Variants in SLCO2A1 observed in about 807,000 individuals in gnomAD.
SLCO2A1 encodes matrin F/G 1.
In SLCO2A1, 60 loss-of-function variants were observed where a neutral mutation model predicts 71.7. That is an observed-to-expected ratio of 0.84 (90% CI 0.68 to 1.04). The LOEUF (loss-of-function observed/expected upper bound fraction) is 1.04. Ranked by LOEUF, SLCO2A1 falls within the 50% of genes least tolerant of loss-of-function variation. The pLI, the probability that SLCO2A1 is intolerant of heterozygous loss-of-function variation, is 0.00. For synonymous variants in SLCO2A1, 308 were observed against 326.7 expected (o/e 0.94, Z 0.62); for missense variants, 745 against 813.4 (o/e 0.92, Z 1.02).
chr3:133,937,141 T>C (rs1933289117), intron 12 of SLCO2A1, among the ~76,000 whole-genome samples: 1 of 152,088 alleles, frequency 6.6e-6, no homozygotes, highest in South Asian at 2.1e-4. Context: ...ATTTTCAAGG[T>C]TGCTGGAGGA....
chr3:133,999,417 T>C (rs1377714689), intron 1 of SLCO2A1, among the ~76,000 whole-genome samples: 1 of 152,220 alleles, frequency 6.6e-6, no homozygotes, highest in Non-Finnish European at 1.5e-5. Flanking sequence ...TGAAATTATA[T>C]GGTAAGCAAG....
At chr3:133,987,134 C>CA (rs1934732237) in intron 1 of SLCO2A1, among the ~76,000 whole-genome samples, 2 of 115,848 alleles carry the variant, frequency 1.7e-5, no homozygotes, top group Admixed American at 8.2e-5. Flanking sequence ...ATTCAAAGCC[C>CA]CCCCCCCCGC....
At chr3:133,984,581 T>G (rs1325967005) in intron 1 of SLCO2A1, among the ~76,000 whole-genome samples, 1 of 152,190 alleles carries the variant, frequency 6.6e-6, no homozygotes, top group Non-Finnish European at 1.5e-5. Context: ...GATGGGACCA[T>G]GACCTCGGCT....
intron 1 of SLCO2A1, among the ~76,000 whole-genome samples, chr3:134,008,412 C>T (rs565375097): frequency 1.4e-3 from 213 of 152,294 alleles, no homozygotes; most frequent in African/African-American, 4.5e-3. Context: ...TCCATCCCAA[C>T]ACCAGTCTTG....
chr3:134,029,044 G>A (rs1337682614), intron 1 of SLCO2A1, among the ~76,000 whole-genome samples: 1 of 152,214 alleles, frequency 6.6e-6, no homozygotes, highest in Non-Finnish European at 1.5e-5. Flanking sequence ...CCTTCCTGGG[G>A]CCATTTCCAG....
At chr3:133,953,585 T>C in intron 5 of SLCO2A1, 78 bp downstream of exon 5, 1 of 1,130,952 alleles carries the variant, frequency 8.8e-7, no homozygotes, top group Non-Finnish European at 1.3e-6. Context: ...CTTCATTCTC[T>C]GTTCTGATTG....
chr3:133,956,512 G>A (rs1268106017), intron 3 of SLCO2A1, among the ~76,000 whole-genome samples: 8 of 152,242 alleles, frequency 5.3e-5, no homozygotes, highest in Non-Finnish European at 1.0e-4. Context: ...AAGCCAAGGC[G>A]TCTGTTTGGT....
rs563392283 is a variant in SLCO2A1, at chr3:134,006,782, A to G, written c.96+22925T>C. On this transcript the variant is annotated intron_variant, in intron 1 of 13. Coordinates refer to ENST00000310926, the MANE Select transcript of SLCO2A1 (RefSeq NM_005630.3). ...TATCGTGAATGGTGCTGCTAGAAACATAACTGCACAAATATCTCTTTGAGA... is the reference window on the plus strand; with the variant it reads ...TATCGTGAATGGTGCTGCTAGAAACGTAACTGCACAAATATCTCTTTGAGA... Among the ~76,000 whole-genome samples, 4 of 152,366 alleles carry G rather than the reference A, an allele frequency of 2.6e-5. No homozygotes were observed. In the South Asian group the frequency reaches 8.3e-4, roughly 32 times the overall value.
chr3:133,989,288 C>T (rs1346031876), intron 1 of SLCO2A1, among the ~76,000 whole-genome samples: 2 of 152,226 alleles, frequency 1.3e-5, no homozygotes, highest in Non-Finnish European at 2.9e-5. Context: ...TAATAAATTC[C>T]TGTTTTCACT....
chr3:134,026,424 T>G (rs1935702426), intron 1 of SLCO2A1, among the ~76,000 whole-genome samples: 1 of 151,766 alleles, frequency 6.6e-6, no homozygotes, highest in South Asian at 2.1e-4. Context: ...TTGGCACTAT[T>G]AAACCATCTT....
rs537797106 is a variant in SLCO2A1, at chr3:133,968,334, A to T, written c.397+5329T>A. 1.3e-4 allele frequency among the ~76,000 whole-genome samples: 20 copies of T among 151,902 alleles called. No homozygotes were observed. The East Asian group carries it at 3.7e-3, about 28-fold the overall frequency. Reference sequence around the variant, plus strand: ...TGCCCAAACCACGGGTGCCCCTCTCATTCCTCCAGGGCTTCCTAGCACACC... The same window carrying T: ...TGCCCAAACCACGGGTGCCCCTCTCTTTCCTCCAGGGCTTCCTAGCACACC... On this transcript the variant is annotated intron_variant, in intron 3 of 13. Transcript: ENST00000310926.
chr3:134,026,025 A>G (rs891401669), intron 1 of SLCO2A1, among the ~76,000 whole-genome samples: 2 of 152,162 alleles, frequency 1.3e-5, no homozygotes, highest in Non-Finnish European at 2.9e-5. Flanking sequence ...ATAAGAGATC[A>G]ATGACCATGG....
intron 1 of SLCO2A1, among the ~76,000 whole-genome samples, chr3:134,001,578 C>T (rs1935104342): frequency 6.6e-6 from 1 of 152,134 alleles, no homozygotes. Context: ...TTGCCTTCCC[C>T]CTCTCTCTAC....
chr3:133,935,735 G>A, intron 13 of SLCO2A1, 39 bp downstream of exon 13: 2 of 1,529,630 alleles, frequency 1.3e-6, no homozygotes, highest in Non-Finnish European at 1.8e-6. Flanking sequence ...TCAAGCCCAG[G>A]GCCTGGCTCT....
At chr3:134,018,533 C>T (rs1559960198) in intron 1 of SLCO2A1, among the ~76,000 whole-genome samples, 2 of 152,150 alleles carry the variant, frequency 1.3e-5, no homozygotes, top group Non-Finnish European at 2.9e-5. Context: ...TCCCTTCTTC[C>T]CACTATTCTC....
At chr3:133,955,410 G>A (rs1933875126) in intron 3 of SLCO2A1, 1 of 564,018 alleles carries the variant, frequency 1.8e-6, no homozygotes, top group Admixed American at 3.2e-5. Flanking sequence ...GGTGGAATGT[G>A]GGCTCCCCGG....
At chr3:133,940,164 C>T (rs1161898677) in intron 11 of SLCO2A1, among the ~76,000 whole-genome samples, 3 of 152,090 alleles carry the variant, frequency 2.0e-5, no homozygotes, top group East Asian at 1.9e-4. Context: ...GACAAGGTTT[C>T]GCCATGTTGG....
intron 1 of SLCO2A1, among the ~76,000 whole-genome samples, chr3:133,990,880 C>T (rs932184056): frequency 4.4e-4 from 67 of 152,134 alleles, no homozygotes; most frequent in African/African-American, 7.2e-4. Flanking sequence ...GAGGCTGAAG[C>T]GGGCAGATCA....
intron 1 of SLCO2A1, among the ~76,000 whole-genome samples, chr3:133,987,131 G>GCCACCC (rs1934731303): frequency 3.8e-5 from 4 of 105,032 alleles, no homozygotes; most frequent in African/African-American, 1.6e-4. Flanking sequence ...AAAATTCAAA[G>GCCACCC]CCCCCCCCCC....
Sources: allele counts gnomAD v4.1 joint callset (sites outside exome capture counted in the v4.1 genomes callset), GRCh38; gene constraint gnomAD v4.1.1; transcripts MANE v1.5; gene names NCBI Gene and HGNC (gene_info 2026-07-23, HGNC 2026-07-21).